The following SYBU variants were observed in gnomAD, a reference collection of about 807,000 sequenced individuals.
SYBU encodes the protein GOLSYN A protein.
In SYBU, 21 loss-of-function variants were observed where a neutral mutation model predicts 35.9. The observed-to-expected ratio is 0.58, with a 90% confidence interval of 0.41 to 0.84. The LOEUF is 0.84. Among genes scored for constraint, SYBU ranks in the 40% least tolerant of loss-of-function variants. SYBU has a pLI of 0.00. For synonymous variants in SYBU, 319 were observed against 324.3 expected (o/e 0.98, Z 0.18); for missense variants, 768 against 848.2 (o/e 0.91, Z 1.17).
intron 2 of SYBU, 52 bp from the exon 3 acceptor site, chr8:109,619,091 G>T (rs760833122): frequency 1.4e-6 from 2 of 1,454,724 alleles, no homozygotes; most frequent in Admixed American, 3.4e-5. Flanking sequence ...AATCAATGAT[G>T]GTGAGAAGCC....
At chr8:109,621,804 A>G (rs868753349) in intron 2 of SYBU, among the ~76,000 whole-genome samples, 1 of 152,196 alleles carries the variant, frequency 6.6e-6, no homozygotes. Flanking sequence ...TGTCTAATGC[A>G]CCCGACACTA....
At chr8:109,615,307 A>G (rs1811612394) in intron 3 of SYBU, among the ~76,000 whole-genome samples, 1 of 152,104 alleles carries the variant, frequency 6.6e-6, no homozygotes, top group African/African-American at 2.4e-5. Flanking sequence ...CTGAGAGGAG[A>G]TGGTCGCTTG....
At chr8:109,621,136 C>T (rs1199073089) in intron 2 of SYBU, among the ~76,000 whole-genome samples, 2 of 152,198 alleles carry the variant, frequency 1.3e-5, no homozygotes, top group African/African-American at 2.4e-5. Flanking sequence ...CCTGAAAACT[C>T]TCAGACTCAC....
rs76783546 is a variant in SYBU at position 109,658,248 on chromosome 8, T to G, written c.-129+22463A>C. 6.8e-3 allele frequency among the ~76,000 whole-genome samples: 1,041 copies of G among 152,296 alleles called. 29 individuals carry two copies. The East Asian group carries it at 0.086, about 13-fold the overall frequency. ...TTTAGGCCTTTTGTGATTTTCTAAC[T>G]GACTACTTTTAAGCTGAGGCACTAA... On this transcript the variant is annotated intron_variant, in intron 1 of 5. Transcript: ENST00000408889.
In SYBU at chr8:109,634,260, T is replaced by TG. The variant is rs1286367190; in HGVS notation, c.229+8467dup. 3.9e-5 allele frequency among the ~76,000 whole-genome samples: 6 copies of TG among 152,190 alleles called. No individual in the cohort carries two copies. The East Asian group carries it at 1.2e-3, about 29-fold the overall frequency. ...CCTTGCTTATGTGCCAGCTCTTGAG[T>TG]GGGGCATTTTCTGGTTTTCTTAGCA... On this transcript the variant is annotated intron_variant, in intron 2 of 6. Coordinates refer to ENST00000276646, the MANE Select transcript of SYBU (RefSeq NM_001099754.2).
At chr8:109,688,484 C>T (rs1817569594) in intron 1 of SYBU, among the ~76,000 whole-genome samples, 1 of 152,168 alleles carries the variant, frequency 6.6e-6, no homozygotes, top group Non-Finnish European at 1.5e-5. Flanking sequence ...TATTCTGGGA[C>T]TTCTGCCATT....
intron 6 of SYBU, 60 bp downstream of exon 6, chr8:109,577,808 T>C: frequency 1.3e-6 from 2 of 1,488,056 alleles, no homozygotes; most frequent in Non-Finnish European, 1.8e-6. Context: ...TGGGTTCATA[T>C]TTCATTTTAT....
upstream of SYBU, among the ~76,000 whole-genome samples, chr8:109,681,920 T>C (rs1438859147): frequency 1.6e-4 from 25 of 152,132 alleles, no homozygotes; most frequent in Admixed American, 1.6e-3. Flanking sequence ...ATCTGATGTT[T>C]TATAAGGGGT....
intron 3 of SYBU, among the ~76,000 whole-genome samples, chr8:109,600,634 T>G (rs2130037855): frequency 6.6e-6 from 1 of 152,346 alleles, no homozygotes. Flanking sequence ...GCAAAAACTC[T>G]GCAGGTCATG....
intron 4 of SYBU, among the ~76,000 whole-genome samples, chr8:109,581,323 G>T (rs1281353284): frequency 1.3e-5 from 2 of 152,056 alleles, no homozygotes; most frequent in Admixed American, 1.3e-4. Flanking sequence ...TTAACATGGG[G>T]ATCAAAACAC....
Position 109,580,018 on chromosome 8 carries a change from G to T in SYBU, c.531-16C>A. 1.2e-6 allele frequency: 2 copies of T among 1,610,124 alleles called. No individual in the cohort carries two copies. Among genetic ancestry groups the T allele is most frequent in the Non-Finnish European group, 1.7e-6 (2 of 1,178,014 alleles). ...AGGACCTCGACTGGGAGAAAAGAAT[G>T]AAAAATGTTAAAATTCTTGGGGCTA... On this transcript the variant is annotated splice_polypyrimidine_tract_variant and intron_variant, in intron 4 of 6. Coordinates refer to ENST00000276646, the MANE Select transcript of SYBU (RefSeq NM_001099754.2).
intron 3 of SYBU, among the ~76,000 whole-genome samples, chr8:109,592,729 G>C (rs1824424578): frequency 6.6e-6 from 1 of 152,194 alleles, no homozygotes; most frequent in Non-Finnish European, 1.5e-5. Context: ...ACCAGAAGTA[G>C]CTATAAAGCC....
intron 2 of SYBU, among the ~76,000 whole-genome samples, chr8:109,627,158 G>GT (rs1813077457): frequency 6.6e-6 from 1 of 151,884 alleles, no homozygotes; most frequent in Non-Finnish European, 1.5e-5. Context: ...TTTGTGGGGG[G>GT]GAAGTTATTG....
At chr8:109,595,459 C>T (rs1824764242) in intron 3 of SYBU, among the ~76,000 whole-genome samples, 2 of 152,184 alleles carry the variant, frequency 1.3e-5, no homozygotes, top group South Asian at 2.1e-4. Context: ...GAGCTGTTAT[C>T]TCCACATCAG....
intron 3 of SYBU, among the ~76,000 whole-genome samples, chr8:109,611,765 T>C (rs1252408347): frequency 2.6e-5 from 4 of 152,192 alleles, no homozygotes; most frequent in African/African-American, 9.6e-5. Flanking sequence ...CTTAACATTT[T>C]TTGCTATTCA....
chr8:109,635,492 T>G (rs1236180792), intron 2 of SYBU, among the ~76,000 whole-genome samples: 2 of 152,200 alleles, frequency 1.3e-5, no homozygotes, highest in African/African-American at 4.8e-5. Flanking sequence ...CCTCCACTTC[T>G]GCTGGTCACC....
intron 2 of SYBU, among the ~76,000 whole-genome samples, chr8:109,630,174 C>CA (rs1813448602): frequency 6.8e-6 from 1 of 148,000 alleles, no homozygotes; most frequent in Non-Finnish European, 1.5e-5. Context: ...ATCGCAAGAA[C>CA]AAAAAACCAA....
At chr8:109,690,391 C>T (rs1817620272) in intron 1 of SYBU, among the ~76,000 whole-genome samples, 1 of 152,148 alleles carries the variant, frequency 6.6e-6, no homozygotes. Flanking sequence ...AGAATCTGAT[C>T]TGGCAGAAAC....
rs78960511 is a variant in SYBU at position 109,623,556 on chromosome 8, C to G, written c.230-4517G>C. Reference sequence around the variant, plus strand: ...ATGCTAAGGTCTATAAAGACAGATGCGAAAAACCAGCAACTATTACAATTT... The same window carrying G: ...ATGCTAAGGTCTATAAAGACAGATGGGAAAAACCAGCAACTATTACAATTT... On this transcript the variant is annotated intron_variant, in intron 2 of 6. Coordinates refer to ENST00000276646, the MANE Select transcript of SYBU (RefSeq NM_001099754.2). Among the ~76,000 whole-genome samples, 846 of 152,014 alleles carry G rather than the reference C, an allele frequency of 5.6e-3. 10 individuals are homozygous for G. The highest frequency in any genetic ancestry group is 0.02 in the African/African-American group (820 of 41,476).
Sources: allele counts gnomAD v4.1 joint callset (sites outside exome capture counted in the v4.1 genomes callset), GRCh38; gene constraint gnomAD v4.1.1; transcripts MANE v1.5; gene names NCBI Gene and HGNC (gene_info 2026-07-23, HGNC 2026-07-21).